Variants in DGKB observed in about 807,000 individuals in gnomAD.
The protein encoded by DGKB is diacylglycerol kinase beta, also known as 90 kDa diacylglycerol kinase.
In DGKB, 67 loss-of-function variants were observed where a neutral mutation model predicts 114.3. The observed-to-expected ratio is 0.59, with a 90% CI of 0.48 to 0.72. The LOEUF (loss-of-function observed/expected upper bound fraction) is 0.72, where lower values mean the gene tolerates loss of function less well. Among genes scored for constraint, DGKB ranks in the 30% least tolerant of loss-of-function variants. DGKB has a pLI of 0.00. For missense variants in DGKB, 907 were observed against 975.2 expected, an observed-to-expected ratio of 0.93 and a Z score of 0.93; for synonymous variants, 398 against 323.1, an observed-to-expected ratio of 1.23 and a Z score of -2.49.
At chr7:14,841,071 A>T (rs1455483084) in intron 2 of DGKB, 123 bp downstream of exon 2, 1 of 816,726 alleles carries the variant, frequency 1.2e-6, no homozygotes, top group Non-Finnish European at 1.8e-6. Flanking sequence ...ACTTGTAAAC[A>T]CAAAAGGCAG....
At chr7:14,353,970 G>T (rs996512407) in intron 21 of DGKB, among the ~76,000 whole-genome samples, 2 of 152,026 alleles carry the variant, frequency 1.3e-5, no homozygotes, top group East Asian at 1.9e-4. Context: ...CTGCTTTTTT[G>T]GAGTGCTCCC....
At chr7:14,767,770 C>G (rs1836685356) in intron 2 of DGKB, among the ~76,000 whole-genome samples, 1 of 151,856 alleles carries the variant, frequency 6.6e-6, no homozygotes, top group African/African-American at 2.4e-5. Flanking sequence ...TAAGGAAATG[C>G]AAGTATGAGT....
Position 14,591,537 on chromosome 7 carries a change from C to T in DGKB, c.1434-8400G>A, listed in dbSNP as rs569831206. On this transcript the variant is annotated intron_variant, in intron 17 of 25. Coordinates refer to ENST00000402815, the MANE Select transcript of DGKB (RefSeq NM_001350709.2). ...TTGGGTTTAGCAGCCCTCTGTCAGA[C>T]ACTTCTTTTTTTATCATATTTGCTC... Among the ~76,000 whole-genome samples, 376 of 152,088 alleles carry T rather than the reference C, an allele frequency of 2.5e-3. 2 individuals are homozygous for T. Among genetic ancestry groups the T allele is most frequent in the African/African-American group, 8.7e-3 (361 of 41,508 alleles).
At chr7:14,905,187 G>C (rs1384069244), upstream of DGKB, among the ~76,000 whole-genome samples, 1 of 149,864 alleles carries the variant, frequency 6.7e-6, no homozygotes, top group Non-Finnish European at 1.5e-5. Context: ...GGTAGAGCTG[G>C]AAGAACTACA....
At chr7:14,861,444 T>G (rs1850962318) in intron 1 of DGKB, among the ~76,000 whole-genome samples, 1 of 151,988 alleles carries the variant, frequency 6.6e-6, no homozygotes. Flanking sequence ...TTTTTTTCAT[T>G]ATTTAAACAT....
intron 8 of DGKB, among the ~76,000 whole-genome samples, chr7:14,696,882 T>C (rs1490162619): frequency 6.6e-6 from 1 of 152,232 alleles, no homozygotes; most frequent in Non-Finnish European, 1.5e-5. Context: ...GAAAATGCTA[T>C]CAGAGTTCTT....
intron 8 of DGKB, among the ~76,000 whole-genome samples, chr7:14,695,492 C>CTTTTTTTT (rs1452686512): frequency 1.5e-3 from 112 of 73,350 alleles, no homozygotes; most frequent in African/African-American, 5.2e-3. Context: ...CTCTCTCTCT[C>CTTTTTTTT]TCTTTTTTTT....
intron 1 of DGKB, among the ~76,000 whole-genome samples, chr7:14,886,611 A>C (rs1306806721): frequency 6.6e-6 from 1 of 151,808 alleles, no homozygotes; most frequent in African/African-American, 2.4e-5. Context: ...TCACTTCATA[A>C]ATATCACTAC....
chr7:14,666,445 A>T (rs1818040394), intron 13 of DGKB, among the ~76,000 whole-genome samples: 1 of 151,948 alleles, frequency 6.6e-6, no homozygotes, highest in Admixed American at 6.6e-5. Context: ...TCCATATGAG[A>T]TTATTAAAAT....
At chr7:14,197,074 C>A (rs909389081) in intron 23 of DGKB, among the ~76,000 whole-genome samples, 2 of 152,060 alleles carry the variant, frequency 1.3e-5, no homozygotes, top group South Asian at 2.1e-4. Context: ...ATTTTCAACA[C>A]TGAAAAACCA....
chr7:14,224,525 C>T (rs569164140), intron 23 of DGKB, among the ~76,000 whole-genome samples: 1 of 151,926 alleles, frequency 6.6e-6, no homozygotes, highest in Non-Finnish European at 1.5e-5. Flanking sequence ...TGTTTTTTCT[C>T]CCTTGTGTAT....
At chr7:14,626,117 T>A (rs1248762874) in intron 14 of DGKB, among the ~76,000 whole-genome samples, 1 of 152,190 alleles carries the variant, frequency 6.6e-6, no homozygotes, top group African/African-American at 2.4e-5. Flanking sequence ...TTTGTCTACA[T>A]CATGCTGATT....
At chr7:14,961,142 A>G (rs1786819612) in intron 1 of DGKB, among the ~76,000 whole-genome samples, 1 of 152,094 alleles carries the variant, frequency 6.6e-6, no homozygotes, top group South Asian at 2.1e-4. Context: ...TTCAGTCATA[A>G]TGCTTTCTAT....
chr7:14,735,703 G>C (rs1270953725), intron 5 of DGKB, among the ~76,000 whole-genome samples: 2 of 152,134 alleles, frequency 1.3e-5, no homozygotes, highest in African/African-American at 4.8e-5. Context: ...TTTAGATATA[G>C]TTGCTTTGTG....
At chr7:14,718,201 T>C (rs1320873414) in intron 6 of DGKB, among the ~76,000 whole-genome samples, 1 of 152,146 alleles carries the variant, frequency 6.6e-6, no homozygotes, top group Non-Finnish European at 1.5e-5. Context: ...GGAAGGTTTC[T>C]TCACACACTA....
rs1781780077 is a variant in DGKB, at chr7:14,148,998, G to C, written c.*133C>G. 4.0e-6 allele frequency: 3 copies of C among 751,222 alleles called. No individual in the cohort carries two copies. The highest frequency in any genetic ancestry group is 6.7e-6 in the Non-Finnish European group (3 of 449,190). 46.5% of individuals were successfully genotyped at this position (751,222 alleles called of 1,614,324 possible). A position where few individuals can be genotyped will look rare whatever the true frequency, so the allele number is the denominator to read the frequency against. ...AATAGCTGAATTTTACATTAGCTTA[G>C]TAACAAAAACTGTTAAACCACTTCC... On this transcript the variant is annotated 3_prime_UTR_variant, in exon 26 of 26. Coordinates refer to ENST00000402815, the MANE Select transcript of DGKB (RefSeq NM_001350709.2).
chr7:14,535,547 A>T (rs1038847233), intron 20 of DGKB, among the ~76,000 whole-genome samples: 2 of 152,116 alleles, frequency 1.3e-5, no homozygotes, highest in Non-Finnish European at 1.5e-5. Flanking sequence ...GAAATAAAGA[A>T]TAGAAAATGA....
chr7:14,725,885 C>G (rs1191906633), intron 5 of DGKB, among the ~76,000 whole-genome samples: 4 of 151,958 alleles, frequency 2.6e-5, no homozygotes, highest in African/African-American at 7.3e-5. Context: ...TGTATGCACA[C>G]CAAAACATTG....
At chr7:14,266,063 G>A (rs539952027) in intron 23 of DGKB, among the ~76,000 whole-genome samples, 1 of 152,098 alleles carries the variant, frequency 6.6e-6, no homozygotes, top group Non-Finnish European at 1.5e-5. Context: ...TACATAAAAG[G>A]CAACCTTTTC....
Sources: allele counts gnomAD v4.1 joint callset (sites outside exome capture counted in the v4.1 genomes callset), GRCh38; gene constraint gnomAD v4.1.1; transcripts MANE v1.5; gene names NCBI Gene and HGNC (gene_info 2026-07-23, HGNC 2026-07-21).